The following AK5 variants were observed in gnomAD, a reference collection of about 807,000 sequenced individuals.
The protein encoded by AK5 is adenylate kinase 5.
A neutral mutation model predicts 69.5 loss-of-function variants in AK5; 27 were observed. The ratio of observed to expected loss-of-function variants is 0.39; its 90% CI spans 0.29 to 0.54. AK5 has a LOEUF of 0.54. Among genes scored for constraint, AK5 ranks in the 20% least tolerant of loss-of-function variants. AK5 has a pLI of 0.71. For missense variants in AK5, 531 were observed against 700.4 expected (o/e 0.76, Z 2.73); for synonymous variants, 260 against 244.4 (o/e 1.06, Z -0.60).
intron 8 of AK5, among the ~76,000 whole-genome samples, chr1:77,457,645 T>A (rs572783319): frequency 6.6e-6 from 1 of 152,104 alleles, no homozygotes; most frequent in Admixed American, 6.5e-5. Flanking sequence ...TTAAATTGCT[T>A]TCTAAATTTT....
At chr1:77,483,720 G>A (rs552826183) in intron 9 of AK5, among the ~76,000 whole-genome samples, 1 of 152,332 alleles carries the variant, frequency 6.6e-6, no homozygotes, top group South Asian at 2.1e-4. Context: ...GCAGTAAAAA[G>A]AGTTGTTAAA....
In AK5 at chr1:77,431,053, G is replaced by C. The variant is rs538143673; in HGVS notation, c.1059+13338G>C. Among the ~76,000 whole-genome samples the C allele has an allele frequency of 4.6e-5, 7 of 152,274 alleles. No individual in the cohort carries two copies. The East Asian group carries it at 1.4e-3, about 29-fold the overall frequency. On this transcript the variant is annotated intron_variant, in intron 8 of 13. Transcript: ENST00000354567. The stretch of plus-strand genomic sequence containing the variant: ...GAGTCTCGTGTGGGTTAAGACAGAA[G>C]GAACATTGATAGGATAGGAGGATGG...
chr1:77,540,728 C>G (rs1659220793), intron 13 of AK5: 1 of 152,158 alleles, frequency 6.6e-6, no homozygotes, highest in African/African-American at 2.4e-5. Context: ...GTTCTTCTTC[C>G]TAAAGTGGAT....
chr1:77,289,767 G>A (rs1430576380), intron 2 of AK5, among the ~76,000 whole-genome samples: 1 of 150,072 alleles, frequency 6.7e-6, no homozygotes, highest in African/African-American at 2.5e-5. Flanking sequence ...GGAGGCTGAG[G>A]CAGGAGAATG....
intron 9 of AK5, among the ~76,000 whole-genome samples, chr1:77,484,251 G>A (rs528253748): frequency 6.6e-6 from 1 of 151,906 alleles, no homozygotes; most frequent in African/African-American, 2.4e-5. Context: ...ATGTGAATTT[G>A]GGACTATCCA....
intron 6 of AK5, among the ~76,000 whole-genome samples, chr1:77,406,216 C>T (rs1353859362): frequency 6.6e-6 from 1 of 151,652 alleles, no homozygotes; most frequent in African/African-American, 2.4e-5. Context: ...CCTAAACTAC[C>T]AGTTTTCAAG....
Position 77,326,444 on chromosome 1 carries a change from GT to G in AK5, c.700-13921del, listed in dbSNP as rs111253684. ...AGTTTGCCTTTGGAATAACACCAAAGTTTTTTTTTTTTAAAGTACTTTCATG... is the reference window on the plus strand; with the variant it reads ...AGTTTGCCTTTGGAATAACACCAAAGTTTTTTTTTTTAAAGTACTTTCATG... On this transcript the variant is annotated intron_variant, in intron 5 of 13. Coordinates refer to ENST00000354567, the MANE Select transcript of AK5 (RefSeq NM_174858.3). Among the ~76,000 whole-genome samples, 668 of 146,484 alleles carry G rather than the reference GT, an allele frequency of 4.6e-3. 3 individuals carry two copies. Among genetic ancestry groups the G allele is most frequent in the African/African-American group, 0.015 (593 of 40,204 alleles).
intron 10 of AK5, among the ~76,000 whole-genome samples, chr1:77,493,205 T>A (rs569211471): frequency 1.3e-5 from 2 of 152,252 alleles, no homozygotes; most frequent in Admixed American, 6.5e-5. Context: ...CCCTCACCAG[T>A]GTGGGTGGGC....
chr1:77,312,259 T>C (rs1444550103), intron 5 of AK5, among the ~76,000 whole-genome samples: 2 of 152,138 alleles, frequency 1.3e-5, no homozygotes, highest in African/African-American at 4.8e-5. Context: ...GGTTGAGTTG[T>C]ATAGTCGCTG....
intron 12 of AK5, chr1:77,532,021 G>C (rs1321705447): frequency 6.6e-6 from 1 of 151,836 alleles, no homozygotes; most frequent in Admixed American, 6.6e-5. Flanking sequence ...CCGAGTGCGG[G>C]GCTCGCGGAA....
chr1:77,511,357 A>G (rs1447254927), intron 10 of AK5, among the ~76,000 whole-genome samples: 1 of 152,242 alleles, frequency 6.6e-6, no homozygotes, highest in Non-Finnish European at 1.5e-5. Flanking sequence ...ATGGGAGCCA[A>G]AGCAGAGAAA....
intron 6 of AK5, among the ~76,000 whole-genome samples, chr1:77,381,479 C>T (rs1557546486): frequency 2.9e-5 from 2 of 68,852 alleles, no homozygotes; most frequent in African/African-American, 1.6e-4. Flanking sequence ...GTACAAGACA[C>T]ATGTACAAGA....
At chr1:77,383,886 A>G (rs1647822318) in intron 6 of AK5, among the ~76,000 whole-genome samples, 1 of 152,166 alleles carries the variant, frequency 6.6e-6, no homozygotes, top group Non-Finnish European at 1.5e-5. Flanking sequence ...TCAATTTAAA[A>G]TGTAATATAA....
intron 13 of AK5, among the ~76,000 whole-genome samples, chr1:77,550,994 T>C (rs1200772233): frequency 1.3e-5 from 2 of 152,160 alleles, no homozygotes; most frequent in African/African-American, 4.8e-5. Flanking sequence ...CTGGCCAACA[T>C]GGTGAAACCC....
intron 8 of AK5, among the ~76,000 whole-genome samples, chr1:77,454,418 A>G (rs917810633): frequency 6.6e-6 from 1 of 152,216 alleles, no homozygotes; most frequent in Non-Finnish European, 1.5e-5. Context: ...CAACAGCAGG[A>G]AAAGAAAAAG....
chr1:77,530,501 G>C (rs1023290166), intron 12 of AK5, among the ~76,000 whole-genome samples: 32 of 152,156 alleles, frequency 2.1e-4, no homozygotes, highest in African/African-American at 7.7e-4. Flanking sequence ...TGCGACTTAG[G>C]CTAAAAGCCT....
chr1:77,555,166 T>C (rs1660034660), intron 13 of AK5, among the ~76,000 whole-genome samples: 1 of 152,094 alleles, frequency 6.6e-6, no homozygotes, highest in African/African-American at 2.4e-5. Context: ...TAATCCCAGC[T>C]ACTCGGGAGG....
At chr1:77,359,898 T>C (rs1403650228) in intron 6 of AK5, among the ~76,000 whole-genome samples, 1 of 152,220 alleles carries the variant, frequency 6.6e-6, no homozygotes, top group Non-Finnish European at 1.5e-5. Flanking sequence ...TAAACAACTT[T>C]GTCAGAGCCG....
chr1:77,539,852 C>T (rs1359879973), intron 13 of AK5, among the ~76,000 whole-genome samples: 1 of 152,196 alleles, frequency 6.6e-6, no homozygotes, highest in Non-Finnish European at 1.5e-5. Context: ...CAGGGCTGCT[C>T]ACCCAAGAGG....
Sources: allele counts gnomAD v4.1 joint callset (sites outside exome capture counted in the v4.1 genomes callset), GRCh38; gene constraint gnomAD v4.1.1; transcripts MANE v1.5; gene names NCBI Gene and HGNC (gene_info 2026-07-23, HGNC 2026-07-21).